Variants in FOXN2 observed in about 807,000 individuals in gnomAD.
FOXN2 encodes the protein forkhead box protein N2.
Under a neutral mutation model 41.2 loss-of-function variants are expected in FOXN2, and 19 were observed. The ratio of observed to expected loss-of-function variants is 0.46; its 90% CI spans 0.32 to 0.68. The LOEUF is 0.68. Among genes scored for constraint, FOXN2 ranks in the 30% least tolerant of loss-of-function variants. The pLI is 0.03. For synonymous variants in FOXN2, 195 were observed against 176.8 expected (o/e 1.10, Z -0.82); for missense variants, 587 against 509.4 (o/e 1.15, Z -1.47).
At chr2:48,341,119 T>G (rs1670737468) in intron 2 of FOXN2, among the ~76,000 whole-genome samples, 1 of 152,130 alleles carries the variant, frequency 6.6e-6, no homozygotes. Context: ...TTTTATGTGG[T>G]TCATTGAAAT....
chr2:48,362,685 G>T lies in FOXN2; in HGVS notation c.681G>T (p.Gln227His). The T allele has an allele frequency of 6.2e-7, 1 of 1,614,002 alleles. No individual in the cohort carries two copies. Among genetic ancestry groups the T allele is most frequent in the Non-Finnish European group, 8.5e-7 (1 of 1,179,942 alleles). Residue 227 changes from glutamine (Q) to histidine (H), a missense_variant, in exon 5 of 7, where the codon CAG (glutamine) becomes CAT (histidine). Transcript: ENST00000340553. Reference protein sequence around the residue: ...SPHYLSSVIKQNQVRNLKESD... With the variant: ...SPHYLSSVIKHNQVRNLKESD... The stretch of plus-strand genomic sequence containing the variant: ...ACTATTTAAGCTCTGTAATCAAGCA[G>T]AACCAGGTGCGAAACCTCAAAGGTA...
At chr2:48,374,001 G>A (rs1344801212) in intron 6 of FOXN2, among the ~76,000 whole-genome samples, 1 of 149,908 alleles carries the variant, frequency 6.7e-6, no homozygotes, top group Non-Finnish European at 1.5e-5. Context: ...GTTGCAGTGA[G>A]CCATGAGCAC....
rs375349020 is a variant in FOXN2, at chr2:48,335,803, G to A, written c.-15+7101G>A. 3.4e-4 allele frequency among the ~76,000 whole-genome samples: 51 copies of A among 148,600 alleles called. No homozygotes were observed. The East Asian group carries it at 7.0e-3, about 20-fold the overall frequency. The stretch of plus-strand genomic sequence containing the variant: ...AGCACTTTGGGAGGCTGAGGCAGGC[G>A]GATCATGAGGTCAGGAAATAGAGAC... On this transcript the variant is annotated intron_variant, in intron 2 of 6. Transcript: ENST00000340553.
chr2:48,375,859 A>G lies in FOXN2; in HGVS notation c.*416A>G, dbSNP rs564722506. ...AACCAGCTAAAAATTTTGCTGATGTATTTTTCATATACTTCTCTCCTGACA... is the reference window on the plus strand; with the variant it reads ...AACCAGCTAAAAATTTTGCTGATGTGTTTTTCATATACTTCTCTCCTGACA... On this transcript the variant is annotated 3_prime_UTR_variant, in exon 7 of 7. Coordinates refer to ENST00000340553, the MANE Select transcript of FOXN2 (RefSeq NM_002158.4). The G allele has an allele frequency of 9.5e-4, 148 of 156,302 alleles. No individual in the cohort carries two copies. The highest frequency in any genetic ancestry group is 3.3e-3 in the Middle Eastern group (1 of 300). The allele number at this position is 156,302 out of a possible 1,614,324, so 9.7% of individuals were successfully genotyped here.
chr2:48,343,524 T>A (rs1482092920), intron 2 of FOXN2, among the ~76,000 whole-genome samples: 1 of 152,164 alleles, frequency 6.6e-6, no homozygotes, highest in Non-Finnish European at 1.5e-5. Context: ...TTTGGGAAGC[T>A]GAGGCAGGAG....
chr2:48,373,402 T>G, intron 6 of FOXN2, 42 bp downstream of exon 6: 1 of 1,189,704 alleles, frequency 8.4e-7, no homozygotes, highest in Non-Finnish European at 1.2e-6. Flanking sequence ...TTTAGTGCCT[T>G]TTCAAATTTA....
At position 48,346,556 on chromosome 2, in the gene FOXN2, A is replaced by G. The variant is rs894511663; in HGVS notation, c.342A>G (p.Pro114=). 1.1e-5 allele frequency: 17 copies of G among 1,613,682 alleles called. No homozygotes were observed. Among genetic ancestry groups the G allele is most frequent in the Non-Finnish European group, 1.4e-5 (16 of 1,179,936 alleles). Residue 114 remains proline (P), a synonymous_variant, in exon 3 of 7, where the codon CCA becomes CCG. Transcript: ENST00000340553. ...AAAAATCAGCGACTTCAAAGCCCCCATACTCCTTTAGTCTTCTCATTTATA... is the reference window on the plus strand; with the variant it reads ...AAAAATCAGCGACTTCAAAGCCCCCGTACTCCTTTAGTCTTCTCATTTATA... ...PEKKSATSKP[P]YSFSLLIYMA...
chr2:48,368,618 G>T (rs575408005), intron 5 of FOXN2, among the ~76,000 whole-genome samples: 2 of 152,318 alleles, frequency 1.3e-5, no homozygotes, highest in South Asian at 4.1e-4. Context: ...CTTGAACCTG[G>T]GAGGTGAAGG....
chr2:48,318,281 A>G (rs1402504589), intron 1 of FOXN2, among the ~76,000 whole-genome samples: 1 of 152,076 alleles, frequency 6.6e-6, no homozygotes, highest in African/African-American at 2.4e-5. Flanking sequence ...TTGTTCCAGA[A>G]TTTCACTTTC....
At position 48,378,675 on chromosome 2, in the gene FOXN2, G is replaced by C. The variant is rs1673393570; in HGVS notation, c.*3232G>C. 1 of 150,982 alleles carries C rather than the reference G, an allele frequency of 6.6e-6. No individual in the cohort carries two copies. Among genetic ancestry groups the C allele is most frequent in the Non-Finnish European group, 1.5e-5 (1 of 67,608 alleles). 9.4% of individuals were successfully genotyped at this position (150,982 alleles called of 1,614,324 possible). A position where few individuals can be genotyped will look rare whatever the true frequency, so the allele number is the denominator to read the frequency against. ...CTTTCTGGTTTACATATATCTTACA[G>C]GTGTTTTTTTGTATTTTTTTTTTTT... On this transcript the variant is annotated 3_prime_UTR_variant, in exon 7 of 7. Transcript: ENST00000340553.
At chr2:48,369,377 A>G (rs1013539684) in intron 5 of FOXN2, among the ~76,000 whole-genome samples, 2 of 152,100 alleles carry the variant, frequency 1.3e-5, no homozygotes, top group Admixed American at 1.3e-4. Flanking sequence ...ATCTCTACTA[A>G]AAATACAAAA....
At chr2:48,317,910 A>G (rs1038412421) in intron 1 of FOXN2, among the ~76,000 whole-genome samples, 1 of 151,872 alleles carries the variant, frequency 6.6e-6, no homozygotes, top group Non-Finnish European at 1.5e-5. Flanking sequence ...CCCGGCTTAT[A>G]GTATTGTTTT....
intron 2 of FOXN2, among the ~76,000 whole-genome samples, chr2:48,338,976 A>T (rs939769532): frequency 1.3e-5 from 2 of 152,218 alleles, no homozygotes; most frequent in African/African-American, 4.8e-5. Flanking sequence ...ATTAGTATCC[A>T]AACATTACAA....
rs1366502477 is a variant in FOXN2 at position 48,368,818 on chromosome 2, A to T, written c.704-4474A>T. Among the ~76,000 whole-genome samples, 6 of 152,250 alleles carry T rather than the reference A, an allele frequency of 3.9e-5. No individual in the cohort carries two copies. The East Asian group carries it at 1.2e-3, about 29-fold the overall frequency. ...ACTGTACCTTGGACAAATCATTGAT[A>T]ATCAGGTGTTCTCTATTATGATGGT... On this transcript the variant is annotated intron_variant, in intron 5 of 6. Coordinates refer to ENST00000340553, the MANE Select transcript of FOXN2 (RefSeq NM_002158.4).
intron 4 of FOXN2, among the ~76,000 whole-genome samples, chr2:48,361,257 G>A (rs905583681): frequency 9.2e-5 from 14 of 151,732 alleles, no homozygotes; most frequent in African/African-American, 2.9e-4. Flanking sequence ...ACCTGAGGTC[G>A]GGAGTTTGAG....
At chr2:48,326,583 CCATTCA>C (rs1339215121) in intron 1 of FOXN2, among the ~76,000 whole-genome samples, 1 of 152,144 alleles carries the variant, frequency 6.6e-6, no homozygotes, top group African/African-American at 2.4e-5. Context: ...ATAGGGGTTT[CCATTCA>C]TGTATACTGG....
intron 2 of FOXN2, among the ~76,000 whole-genome samples, chr2:48,339,296 G>A (rs1268747147): frequency 6.6e-6 from 1 of 152,148 alleles, no homozygotes. Context: ...ATCCCCAAGT[G>A]TTGAGAAGGG....
At position 48,359,054 on chromosome 2, in the gene FOXN2, G is replaced by A. The variant is rs748158870; in HGVS notation, c.545G>A (p.Gly182Glu). 8.7e-6 allele frequency: 14 copies of A among 1,612,092 alleles called. No homozygotes were observed. The South Asian group carries it at 1.4e-4, about 16-fold the overall frequency. ...TTGTGCATTTTATTCTAGGTTAATG[G>A]AAAAGGTTCCTTATGGTGTGTTGAT... ...KVERSHGKVN[G>E]KGSLWCVDPE... Residue 182 changes from glycine to glutamate, a missense_variant, in exon 4 of 7, where the codon GGA becomes GAA. Transcript: ENST00000340553.
At chr2:48,327,230 GA>G (rs1236821375) in intron 1 of FOXN2, among the ~76,000 whole-genome samples, 1 of 150,732 alleles carries the variant, frequency 6.6e-6, no homozygotes, top group East Asian at 1.9e-4. Context: ...TCTCCAAAAA[GA>G]AAAAAAACAG....
Sources: allele counts gnomAD v4.1 joint callset (sites outside exome capture counted in the v4.1 genomes callset), GRCh38; gene constraint gnomAD v4.1.1; transcripts MANE v1.5; gene names NCBI Gene and HGNC (gene_info 2026-07-23, HGNC 2026-07-21).